Variants in EFCAB14 observed in about 807,000 individuals in gnomAD.
EFCAB14 encodes EF-hand calcium-binding domain-containing protein 14.
A neutral mutation model predicts 56.5 loss-of-function variants in EFCAB14; 43 were observed. The observed-to-expected ratio is 0.76, with a 90% CI of 0.60 to 0.98. The LOEUF (loss-of-function observed/expected upper bound fraction) is 0.98. Ranked by LOEUF, EFCAB14 falls within the 50% of genes least tolerant of loss-of-function variation. The pLI, the probability that EFCAB14 is intolerant of heterozygous loss-of-function variation, is 0.00. For missense variants in EFCAB14, 538 were observed against 580.3 expected (o/e 0.93, Z 0.75); for synonymous variants, 235 against 212.9 (o/e 1.10, Z -0.90).
intron 5 of EFCAB14, 55 bp from the exon 6 acceptor site, chr1:46,689,746 A>C (rs1177866991): frequency 5.7e-5 from 84 of 1,468,810 alleles, no homozygotes; most frequent in Non-Finnish European, 7.8e-5. Flanking sequence ...AGGTCTACTT[A>C]ACTATCTGAG....
At chr1:46,691,792 G>T in intron 5 of EFCAB14, 35 bp downstream of exon 5, 1 of 1,528,270 alleles carries the variant, frequency 6.5e-7, no homozygotes, top group South Asian at 1.1e-5. Context: ...AAAAAAGGGT[G>T]AGCAGGAGCA....
At chr1:46,679,609 T>TG (rs1250944471) in intron 10 of EFCAB14, among the ~76,000 whole-genome samples, 2 of 116,352 alleles carry the variant, frequency 1.7e-5, no homozygotes, top group Non-Finnish European at 3.7e-5. Flanking sequence ...GTTTTTTTTT[T>TG]TTTTTTTTTT....
intron 5 of EFCAB14, 100 bp from the exon 6 acceptor site, chr1:46,689,791 C>A: frequency 1.0e-6 from 1 of 959,484 alleles, no homozygotes; most frequent in South Asian, 1.4e-5. Context: ...CCCCAGAATG[C>A]ATCCACAGAT....
At chr1:46,713,390 C>A (rs1169137043) in intron 2 of EFCAB14, among the ~76,000 whole-genome samples, 2 of 152,138 alleles carry the variant, frequency 1.3e-5, no homozygotes. Flanking sequence ...GGTCCGCAGT[C>A]CAGGGTATAA....
chr1:46,691,512 T>C (rs933877671), intron 5 of EFCAB14, among the ~76,000 whole-genome samples: 2 of 152,240 alleles, frequency 1.3e-5, no homozygotes, highest in African/African-American at 4.8e-5. Context: ...TGCTTTGTTA[T>C]GTAGTAATAA....
intron 4 of EFCAB14, among the ~76,000 whole-genome samples, chr1:46,695,858 T>G (rs1677071325): frequency 6.6e-6 from 1 of 152,128 alleles, no homozygotes; most frequent in Admixed American, 6.5e-5. Flanking sequence ...TTTAAAATTT[T>G]TTGTAAAGAC....
intron 5 of EFCAB14, among the ~76,000 whole-genome samples, chr1:46,689,984 C>T (rs1676965015): frequency 6.6e-6 from 1 of 152,156 alleles, no homozygotes; most frequent in African/African-American, 2.4e-5. Context: ...TTCTCCTTTG[C>T]CCCATTGCCT....
intron 9 of EFCAB14, chr1:46,684,216 A>C (rs1194037309): frequency 5.1e-6 from 2 of 392,678 alleles, no homozygotes; most frequent in Admixed American, 8.2e-5. Context: ...ACTCTATGAC[A>C]GTAACATTTT....
rs1006537790 is a variant in EFCAB14 at position 46,701,175 on chromosome 1, C to T, written c.481-4526G>A. 5.9e-5 allele frequency among the ~76,000 whole-genome samples: 9 copies of T among 152,320 alleles called. No individual in the cohort carries two copies. The East Asian group carries it at 7.7e-4, about 13-fold the overall frequency. On this transcript the variant is annotated intron_variant, in intron 3 of 10. Coordinates refer to ENST00000371933, the MANE Select transcript of EFCAB14 (RefSeq NM_014774.3). ...AAGAAATACACACACAGGAAAAAGA[C>T]GCCACATAACTTTGCAAAGGGTTTG... is the stretch of plus-strand genomic sequence containing the variant.
chr1:46,696,772 C>T, intron 3 of EFCAB14, 123 bp from the exon 4 acceptor site: 1 of 839,236 alleles, frequency 1.2e-6, no homozygotes. Flanking sequence ...TTCTGCAACC[C>T]TGTCAGCTCA....
intron 3 of EFCAB14, among the ~76,000 whole-genome samples, chr1:46,707,153 A>G (rs962128241): frequency 2.0e-5 from 3 of 152,242 alleles, no homozygotes; most frequent in African/African-American, 7.2e-5. Flanking sequence ...CTCAGCCCCA[A>G]GAAAAATAAT....
chr1:46,681,416 T>C (rs1463044396), intron 10 of EFCAB14, among the ~76,000 whole-genome samples: 2 of 152,326 alleles, frequency 1.3e-5, no homozygotes, highest in South Asian at 2.1e-4. Context: ...CTAGGTAAAA[T>C]AGGCCTCTTG....
chr1:46,686,332 A>C (rs1676880776), intron 8 of EFCAB14, among the ~76,000 whole-genome samples: 1 of 152,222 alleles, frequency 6.6e-6, no homozygotes, highest in Non-Finnish European at 1.5e-5. Flanking sequence ...ATTAGACACC[A>C]TTTTTAGATT....
intron 5 of EFCAB14, 34 bp downstream of exon 5, chr1:46,691,793 A>G (rs1676996272): frequency 6.5e-7 from 1 of 1,536,568 alleles, no homozygotes; most frequent in Non-Finnish European, 9.0e-7. Flanking sequence ...AAAAAGGGTG[A>G]GCAGGAGCAT....
chr1:46,698,359 A>T (rs1677105996), intron 3 of EFCAB14, among the ~76,000 whole-genome samples: 1 of 152,088 alleles, frequency 6.6e-6, no homozygotes, highest in Non-Finnish European at 1.5e-5. Flanking sequence ...ATTATTCACC[A>T]CTGGTGAACA....
chr1:46,695,661 A>T (rs888890223), intron 4 of EFCAB14, among the ~76,000 whole-genome samples: 2 of 152,112 alleles, frequency 1.3e-5, no homozygotes, highest in South Asian at 4.1e-4. Context: ...TTATGTTCGA[A>T]TTAGGCACCT....
intron 4 of EFCAB14, among the ~76,000 whole-genome samples, chr1:46,695,853 A>C (rs146554953): frequency 1.3e-5 from 2 of 151,956 alleles, no homozygotes; most frequent in Middle Eastern, 3.4e-3. Flanking sequence ...CTAACTTTAA[A>C]ATTTTTTGTA....
Position 46,708,016 on chromosome 1 carries a change from G to C in EFCAB14, c.370C>G (p.Pro124Ala), listed in dbSNP as rs759336397. ...CTGAGTAGTTCTTCATTAAGTTTGGGGATTTCTTGGAATGAGCTTTTCTGA... is the reference window on the plus strand; with the variant it reads ...CTGAGTAGTTCTTCATTAAGTTTGGCGATTTCTTGGAATGAGCTTTTCTGA... ...SNQKSSFQEIPKLNEELLSKQ... is the reference protein window; with the variant it reads ...SNQKSSFQEIAKLNEELLSKQ... Residue 124 changes from proline to alanine, a missense_variant, in exon 3 of 11, where the codon CCC becomes GCC. Transcript: ENST00000371933. 4.3e-6 allele frequency: 7 copies of C among 1,611,718 alleles called. No individual in the cohort carries two copies. Among genetic ancestry groups the C allele is most frequent in the Middle Eastern group, 1.7e-4 (1 of 6,050 alleles).
At chr1:46,715,916 C>T (rs1253420450) in intron 2 of EFCAB14, among the ~76,000 whole-genome samples, 8 of 152,006 alleles carry the variant, frequency 5.3e-5, no homozygotes, top group African/African-American at 1.7e-4. Context: ...TTGACTTTGT[C>T]CCAGAACCTG....
Sources: gnomAD v4.1 joint callset for allele counts (sites outside exome capture counted in the v4.1 genomes callset) on GRCh38, gnomAD v4.1.1 for gene constraint, MANE v1.5 for transcripts, NCBI Gene and HGNC (gene_info 2026-07-23, HGNC 2026-07-21) for gene names.